The following LAMA2 variants were observed in gnomAD, a reference collection of about 807,000 sequenced individuals.
LAMA2 encodes the protein laminin subunit alpha-2.
In LAMA2, 269 loss-of-function variants were observed where a neutral mutation model predicts 364.8. That is an observed-to-expected ratio of 0.74 (90% CI 0.67 to 0.82). The LOEUF is 0.82. LAMA2 is among the 40% of genes least tolerant of loss of function. LAMA2 has a pLI of 0.00. For synonymous variants in LAMA2, 1,379 were observed against 1,370.6 expected (o/e 1.01, Z -0.14); for missense variants, 3,807 against 3,873.2 (o/e 0.98, Z 0.45).
intron 3 of LAMA2, among the ~76,000 whole-genome samples, chr6:129,079,394 T>G (rs1773886292): frequency 1.6e-5 from 1 of 62,262 alleles, no homozygotes; most frequent in African/African-American, 3.2e-5. Flanking sequence ...GGTCTTAGGA[T>G]GTATCCCCTG....
At chr6:128,965,678 G>A (rs968802933) in intron 1 of LAMA2, among the ~76,000 whole-genome samples, 6 of 151,884 alleles carry the variant, frequency 4.0e-5, no homozygotes, top group Admixed American at 1.3e-4. Context: ...AACAATCATC[G>A]ATGACATTAT....
intron 7 of LAMA2, among the ~76,000 whole-genome samples, chr6:129,151,851 C>G (rs565798673): frequency 1.3e-5 from 2 of 152,150 alleles, no homozygotes; most frequent in Admixed American, 1.3e-4. Flanking sequence ...GGTGGGGACA[C>G]AGAGCCAAAC....
At chr6:129,320,753 C>G in intron 28 of LAMA2, 98 bp downstream of exon 28, 1 of 730,228 alleles carries the variant, frequency 1.4e-6, no homozygotes. Context: ...TATTCTTAAT[C>G]TATTTTATTT....
chr6:129,140,208 A>T (rs1203486499), intron 4 of LAMA2, among the ~76,000 whole-genome samples: 1 of 152,122 alleles, frequency 6.6e-6, no homozygotes, highest in Non-Finnish European at 1.5e-5. Context: ...AATGCCATTG[A>T]GGCACAGAGG....
intron 3 of LAMA2, among the ~76,000 whole-genome samples, chr6:129,097,942 C>A (rs1775284378): frequency 6.6e-6 from 1 of 152,068 alleles, no homozygotes; most frequent in Non-Finnish European, 1.5e-5. Context: ...TTACTAAAAT[C>A]CAGTCTTAAT....
chr6:129,128,082 G>A (rs1382079141), intron 4 of LAMA2, among the ~76,000 whole-genome samples: 1 of 152,116 alleles, frequency 6.6e-6, no homozygotes, highest in Admixed American at 6.5e-5. Flanking sequence ...CCAGATCAAT[G>A]TCATATACTT....
chr6:129,300,932 T>C (rs1182472576), intron 22 of LAMA2, 60 bp downstream of exon 22: 1 of 1,468,978 alleles, frequency 6.8e-7, no homozygotes, highest in East Asian at 2.3e-5. Flanking sequence ...TTTGTAGAGC[T>C]CTGTAATTGG....
chr6:129,229,885 CAGCTT>C (rs1272619373), intron 12 of LAMA2, among the ~76,000 whole-genome samples: 9 of 152,228 alleles, frequency 5.9e-5, no homozygotes, highest in Admixed American at 5.9e-4. Context: ...ATCATGAACT[CAGCTT>C]AGCTAATTAT....
chr6:129,257,854 T>C (rs1481091962), intron 14 of LAMA2, among the ~76,000 whole-genome samples: 1 of 152,262 alleles, frequency 6.6e-6, no homozygotes, highest in African/African-American at 2.4e-5. Flanking sequence ...TCTTTTACTT[T>C]TCTGATTTTA....
At chr6:129,082,787 A>G (rs2114842183) in intron 3 of LAMA2, among the ~76,000 whole-genome samples, 1 of 152,188 alleles carries the variant, frequency 6.6e-6, no homozygotes, top group East Asian at 1.9e-4. Flanking sequence ...GTTTCATCAA[A>G]CAGCTTTCTC....
intron 4 of LAMA2, among the ~76,000 whole-genome samples, chr6:129,109,507 C>T (rs1003749369): frequency 4.8e-5 from 7 of 146,408 alleles, no homozygotes; most frequent in Non-Finnish European, 1.1e-4. Flanking sequence ...ATACATAAAT[C>T]CTTTTATGAA....
Position 129,200,881 on chromosome 6 carries a change from T to C in LAMA2, c.1782+8028T>C, listed in dbSNP as rs558085316. 2.0e-5 allele frequency among the ~76,000 whole-genome samples: 3 copies of C among 152,080 alleles called. 1 individual carries two copies. The East Asian group carries it at 5.8e-4, about 29-fold the overall frequency. On this transcript the variant is annotated intron_variant, in intron 12 of 64. Transcript: ENST00000421865. ...CCACTGATTATCTAGAGAAAAAAAA[T>C]AAAATTTCTGCATCCTTACTCCACA...
At chr6:129,032,000 A>G (rs1002265179) in intron 1 of LAMA2, among the ~76,000 whole-genome samples, 2 of 152,036 alleles carry the variant, frequency 1.3e-5, no homozygotes, top group African/African-American at 4.8e-5. Context: ...TTGTATTTTT[A>G]GTAGAGACAG....
intron 33 of LAMA2, 26 bp from the exon 34 acceptor site, chr6:129,369,866 T>C (rs1389937840): frequency 1.9e-6 from 3 of 1,597,362 alleles, no homozygotes; most frequent in Admixed American, 1.7e-5. Flanking sequence ...TTACTAAAAA[T>C]GTTTATGGGA....
chr6:129,482,917 A>C (rs1246274475), intron 55 of LAMA2, among the ~76,000 whole-genome samples: 1 of 152,058 alleles, frequency 6.6e-6, no homozygotes, highest in Non-Finnish European at 1.5e-5. Context: ...AATACAAAAA[A>C]TTAGCCAGGC....
chr6:129,445,876 A>G, intron 45 of LAMA2, 55 bp downstream of exon 45: 1 of 1,496,882 alleles, frequency 6.7e-7, no homozygotes, highest in South Asian at 1.1e-5. Context: ...TGGATTATTC[A>G]TAGAGGGAAT....
At chr6:129,069,366 C>T (rs553834891) in intron 3 of LAMA2, among the ~76,000 whole-genome samples, 9 of 148,504 alleles carry the variant, frequency 6.1e-5, no homozygotes, top group African/African-American at 2.2e-4. Context: ...ACATATTATG[C>T]TTATGTATAT....
intron 45 of LAMA2, among the ~76,000 whole-genome samples, chr6:129,448,838 T>A (rs1030605333): frequency 6.6e-6 from 1 of 152,200 alleles, no homozygotes; most frequent in Non-Finnish European, 1.5e-5. Flanking sequence ...AGCCAAACAT[T>A]CTAAAAGGAT....
At chr6:129,069,869 T>C (rs1204198587) in intron 3 of LAMA2, among the ~76,000 whole-genome samples, 3 of 149,686 alleles carry the variant, frequency 2.0e-5, no homozygotes, top group Non-Finnish European at 4.4e-5. Flanking sequence ...TATGTACTAA[T>C]GTATTAGCTA....
Sources: gnomAD v4.1 joint callset for allele counts (sites outside exome capture counted in the v4.1 genomes callset) on GRCh38, gnomAD v4.1.1 for gene constraint, MANE v1.5 for transcripts, NCBI Gene and HGNC (gene_info 2026-07-23, HGNC 2026-07-21) for gene names.